The following HCAR2 variants were observed in gnomAD, a reference collection of about 807,000 sequenced individuals.
HCAR2 encodes the protein hydroxycarboxylic acid receptor 2, also known as G protein-coupled receptor HM74a.
For missense variants in HCAR2, 346 were observed against 476.6 expected, an observed-to-expected ratio of 0.73 and a Z score of 2.55; for synonymous variants, 156 against 189.4, an observed-to-expected ratio of 0.82 and a Z score of 1.45.
In HCAR2 at chr12:122,702,190, A is replaced by T. The variant is rs1287267999; in HGVS notation, c.*2T>A. ...GACAATGTCCCTTCTTGGCATGGTT[A>T]TTTAAGGAGAGGTTGGGCCCAGATA... On this transcript the variant is annotated 3_prime_UTR_variant, in exon 1 of 1. Coordinates refer to ENST00000328880, the MANE Select transcript of HCAR2 (RefSeq NM_177551.4). The T allele has an allele frequency of 6.2e-7, 1 of 1,613,398 alleles. No individual in the cohort carries two copies. Among genetic ancestry groups the T allele is most frequent in the East Asian group, 2.2e-5 (1 of 44,784 alleles).
Position 122,702,123 on chromosome 12 carries a change from T to C in HCAR2, c.*69A>G. ...GGCCGAGTCCAGTGACATTACTCGATGCAACAGCCCAACTGTTTCTCCAGA... is the reference window on the plus strand; with the variant it reads ...GGCCGAGTCCAGTGACATTACTCGACGCAACAGCCCAACTGTTTCTCCAGA... On this transcript the variant is annotated 3_prime_UTR_variant, in exon 1 of 1. Transcript: ENST00000328880. The C allele has an allele frequency of 6.2e-7, 1 of 1,608,372 alleles. No homozygotes were observed. The highest frequency in any genetic ancestry group is 1.1e-5 in the South Asian group (1 of 90,504).
chr12:122,703,206 A>G lies in HCAR2; in HGVS notation c.78T>C (p.Ile26=). The change falls in exon 1 of 1, where the codon ATT becomes ATC. Residue 26 remains isoleucine, a synonymous_variant. Transcript: ENST00000328880. ...KNCCVFRDDF[I]VKVLPPVLGL... ...CCAACACCGGCGGCAACACCTTGAC[A>G]ATGAAGTCATCTCGGAACACACAGC... The G allele has an allele frequency of 6.2e-7, 1 of 1,614,160 alleles. No homozygotes were observed.
Position 122,703,337 on chromosome 12 carries a change from G to C in HCAR2, c.-54C>G. 6.4e-7 allele frequency: 1 copy of C among 1,560,670 alleles called. No homozygotes were observed. The highest frequency in any genetic ancestry group is 1.3e-5 in the African/African-American group (1 of 74,394). On this transcript the variant is annotated 5_prime_UTR_variant, in exon 1 of 1. Transcript: ENST00000328880. ...CCTCGCCTAGTGAATGCTCCAGCAA[G>C]GAGGTGTGTGTCTGTGTGGTGAACG...
Position 122,701,671 on chromosome 12 carries a change from G to C in HCAR2, c.*521C>G, listed in dbSNP as rs949806306. 5 of 181,270 alleles carry C rather than the reference G, an allele frequency of 2.8e-5. No individual in the cohort carries two copies. Among genetic ancestry groups the C allele is most frequent in the African/African-American group, 1.2e-4 (5 of 42,024 alleles). The allele number at this position is 181,270 out of a possible 1,614,324, so 11.2% of individuals were successfully genotyped here. ...CCTGAGTCCATTTCTGCTAAAGCTT[G>C]TCTGAAAGATGAATTGGTCCACGGA... On this transcript the variant is annotated 3_prime_UTR_variant, in exon 1 of 1. Coordinates refer to ENST00000328880, the MANE Select transcript of HCAR2 (RefSeq NM_177551.4).
chr12:122,702,120 C>T lies in HCAR2; in HGVS notation c.*72G>A, dbSNP rs772459977. The stretch of plus-strand genomic sequence containing the variant: ...TTAGGCCGAGTCCAGTGACATTACT[C>T]GATGCAACAGCCCAACTGTTTCTCC... On this transcript the variant is annotated 3_prime_UTR_variant, in exon 1 of 1. Transcript: ENST00000328880. The T allele has an allele frequency of 6.0e-5, 96 of 1,606,050 alleles. No individual in the cohort carries two copies. Among genetic ancestry groups the T allele is most frequent in the Admixed American group, 6.9e-5 (4 of 58,158 alleles).
rs200993901 is a variant in HCAR2, at chr12:122,703,315, C to G, written c.-32G>C. 4.4e-6 allele frequency: 7 copies of G among 1,606,068 alleles called. No individual in the cohort carries two copies. The South Asian group carries it at 5.5e-5, about 13-fold the overall frequency. ...GGCTAGTGAGTCCGATGGAGCGCCT[C>G]GCCTAGTGAATGCTCCAGCAAGGAG... On this transcript the variant is annotated 5_prime_UTR_variant, in exon 1 of 1. Coordinates refer to ENST00000328880, the MANE Select transcript of HCAR2 (RefSeq NM_177551.4).
Position 122,702,970 on chromosome 12 carries a change from A to C in HCAR2, c.314T>G (p.Phe105Cys). The C allele has an allele frequency of 6.2e-7, 1 of 1,614,064 alleles. No homozygotes were observed. The highest frequency in any genetic ancestry group is 8.5e-7 in the Non-Finnish European group (1 of 1,180,000). ...FGDIPCRLML[F>C]MLAMNRQGSI... ...GCCCTGGCGGTTCATAGCCAACATG[A>C]AGAGCATCAGCCGGCAAGGGATGTC... The change falls in exon 1 of 1, where the codon TTC (phenylalanine) becomes TGC (cysteine). Residue 105 changes from phenylalanine (F) to cysteine (C), a missense_variant. Physicochemically the swap from Phe to Cys is radical, Grantham distance 205. Transcript: ENST00000328880.
chr12:122,703,177 A>G lies in HCAR2; in HGVS notation c.107T>C (p.Leu36Pro), dbSNP rs780534579. The G allele has an allele frequency of 4.3e-6, 7 of 1,614,172 alleles. No homozygotes were observed. The highest frequency in any genetic ancestry group is 5.1e-6 in the Non-Finnish European group (6 of 1,180,036). The change falls in exon 1 of 1, where the codon CTG becomes CCG. Residue 36 changes from leucine (L) to proline (P), a missense_variant. Leu to Pro is a moderately conservative substitution (Grantham distance 98). Coordinates refer to ENST00000328880, the MANE Select transcript of HCAR2 (RefSeq NM_177551.4). ...IVKVLPPVLGLEFIFGLLGNG... is the reference protein window; with the variant it reads ...IVKVLPPVLGPEFIFGLLGNG... ...GCCCAGAAGCCCGAAGATAAACTCC[A>G]GCCCCAACACCGGCGGCAACACCTT...
rs544812148 is a variant in HCAR2 at position 122,701,732 on chromosome 12, G to C, written c.*460C>G. 10 of 215,588 alleles carry C rather than the reference G, an allele frequency of 4.6e-5. No homozygotes were observed. The South Asian group carries it at 9.0e-4, about 19-fold the overall frequency. 13.4% of individuals were successfully genotyped at this position (215,588 alleles called of 1,614,324 possible). On this transcript the variant is annotated 3_prime_UTR_variant, in exon 1 of 1. Coordinates refer to ENST00000328880, the MANE Select transcript of HCAR2 (RefSeq NM_177551.4). ...CCTACTGGCTTGTTTAATGATGCCT[G>C]GGCTCCCTCCAGGAGCAACACAATT...
chr12:122,703,220 G>A lies in HCAR2; in HGVS notation c.64C>T (p.Arg22Ter), dbSNP rs764643885. ...EIDKKNCCVF[R>*]DDFIVKVLPP... ...AACACCTTGACAATGAAGTCATCTC[G>A]GAACACACAGCAGTTCTTCTTGTCT... Residue 22 changes from arginine (R) to a stop codon, truncating the protein, a stop_gained, in exon 1 of 1, where the codon CGA becomes TGA. Coordinates refer to ENST00000328880, the MANE Select transcript of HCAR2 (RefSeq NM_177551.4). LOFTEE classifies it low-confidence loss of function (END_TRUNC). 15 of 1,613,944 alleles carry A rather than the reference G, an allele frequency of 9.3e-6. No homozygotes were observed. The Admixed American group carries it at 1.2e-4, about 13-fold the overall frequency.
In HCAR2 at chr12:122,702,938, T is replaced by C. The variant is rs1191864353; in HGVS notation, c.346A>G (p.Ile116Val). ...TCTACCGCCACCACCGTGAGGAAGATGATGCTGCCCTGGCGGTTCATAGCC... is the reference window on the plus strand; with the variant it reads ...TCTACCGCCACCACCGTGAGGAAGACGATGCTGCCCTGGCGGTTCATAGCC... ...MLAMNRQGSI[I>V]FLTVVAVDRY... The change falls in exon 1 of 1, where the codon ATC becomes GTC. Residue 116 changes from isoleucine (I) to valine (V), a missense_variant. By Grantham distance (29) the Ile-to-Val change is conservative (BLOSUM62 3). Transcript: ENST00000328880. The C allele has an allele frequency of 6.2e-7, 1 of 1,613,334 alleles. No individual in the cohort carries two copies. Among genetic ancestry groups the C allele is most frequent in the South Asian group, 1.1e-5 (1 of 90,988 alleles).
rs1393898534 is a variant in HCAR2, at chr12:122,702,817, A to G, written c.467T>C (p.Ile156Thr). 2 of 1,614,064 alleles carry G rather than the reference A, an allele frequency of 1.2e-6. No homozygotes were observed. Among genetic ancestry groups the G allele is most frequent in the East Asian group, 2.2e-5 (1 of 44,898 alleles). ...CTTCAGGAGGTGGACTGTCAGGCCA[A>G]TAGTGATGCCCCACAGAAGGCAAGA... Reference protein sequence around the residue: ...IISCLLWGITIGLTVHLLKKK... With the variant: ...IISCLLWGITTGLTVHLLKKK... The change falls in exon 1 of 1, where the codon ATT becomes ACT. Residue 156 changes from isoleucine to threonine, a missense_variant. Physicochemically the swap from Ile to Thr is moderately conservative, Grantham distance 89. Transcript: ENST00000328880.
rs1877119913 is a variant in HCAR2 at position 122,702,873 on chromosome 12, G to A, written c.411C>T (p.Asn137=). Reference sequence around the variant, plus strand: ...TGGCTGCTGTCCGATTGGAGATCTTGTTCAGGGCGTGGTGGGGATGGACCA... The same window carrying A: ...TGGCTGCTGTCCGATTGGAGATCTTATTCAGGGCGTGGTGGGGATGGACCA... The part of the protein sequence containing the change: ...FRVVHPHHAL[N]KISNRTAAII... The change falls in exon 1 of 1, where the codon AAC becomes AAT. Residue 137 remains asparagine, a synonymous_variant. Coordinates refer to ENST00000328880, the MANE Select transcript of HCAR2 (RefSeq NM_177551.4). 1 of 1,614,070 alleles carries A rather than the reference G, an allele frequency of 6.2e-7. No homozygotes were observed. The highest frequency in any genetic ancestry group is 2.2e-5 in the East Asian group (1 of 44,902).
chr12:122,701,726 A>G lies in HCAR2; in HGVS notation c.*466T>C, dbSNP rs577659688. On this transcript the variant is annotated 3_prime_UTR_variant, in exon 1 of 1. Coordinates refer to ENST00000328880, the MANE Select transcript of HCAR2 (RefSeq NM_177551.4). ...AGGTGACCTACTGGCTTGTTTAATG[A>G]TGCCTGGGCTCCCTCCAGGAGCAAC... The G allele has an allele frequency of 1.9e-5, 4 of 205,836 alleles. No homozygotes were observed. In the South Asian group the frequency reaches 2.9e-4, roughly 15 times the overall value. The allele number at this position is 205,836 out of a possible 1,614,324, so 12.8% of individuals were successfully genotyped here. A position where few individuals can be genotyped will look rare whatever the true frequency, so the allele number is the denominator to read the frequency against.
chr12:122,703,118 G>A lies in HCAR2; in HGVS notation c.166C>T (p.Leu56Phe). ...ATCCGGCTGGATTTCCAGGACTTGA[G>A]GTGGAAACAGAAAATCCACAGGGCA... is the stretch of plus-strand genomic sequence containing the variant. ...GLALWIFCFHLKSWKSSRIFL... is the reference protein window; with the variant it reads ...GLALWIFCFHFKSWKSSRIFL... The change falls in exon 1 of 1, where the codon CTC becomes TTC. Residue 56 changes from leucine (L) to phenylalanine (F), a missense_variant. By Grantham distance (22) the Leu-to-Phe change is conservative. Coordinates refer to ENST00000328880, the MANE Select transcript of HCAR2 (RefSeq NM_177551.4). The A allele has an allele frequency of 6.2e-7, 1 of 1,614,122 alleles. No individual in the cohort carries two copies. The highest frequency in any genetic ancestry group is 8.5e-7 in the Non-Finnish European group (1 of 1,180,022).
chr12:122,702,150 A>T lies in HCAR2; in HGVS notation c.*42T>A, dbSNP rs1877089899. ...CAACAGCCCAACTGTTTCTCCAGAG[A>T]TCCTGGTTCTTGGTGACAATGTCCC... is the stretch of plus-strand genomic sequence containing the variant. On this transcript the variant is annotated 3_prime_UTR_variant, in exon 1 of 1. Coordinates refer to ENST00000328880, the MANE Select transcript of HCAR2 (RefSeq NM_177551.4). 6.2e-7 allele frequency: 1 copy of T among 1,613,148 alleles called. No individual in the cohort carries two copies. Among genetic ancestry groups the T allele is most frequent in the Non-Finnish European group, 8.5e-7 (1 of 1,179,800 alleles).
rs1877078117 is a variant in HCAR2, at chr12:122,701,765, A to G, written c.*427T>C. The G allele has an allele frequency of 1.2e-5, 3 of 260,314 alleles. No homozygotes were observed. The highest frequency in any genetic ancestry group is 1.3e-4 in the South Asian group (2 of 15,608). 16.1% of individuals were successfully genotyped at this position (260,314 alleles called of 1,614,324 possible). On this transcript the variant is annotated 3_prime_UTR_variant, in exon 1 of 1. Transcript: ENST00000328880. ...TCCAGGAGCAACACAATTCCCTCCA[A>G]TCTCAGCTCTCCTTATCCCTGCTAG...
At position 122,703,191 on chromosome 12, in the gene HCAR2, C is replaced by G; in HGVS notation, c.93G>C (p.Pro31=). The G allele has an allele frequency of 6.2e-7, 1 of 1,614,122 alleles. No individual in the cohort carries two copies. Among genetic ancestry groups the G allele is most frequent in the Non-Finnish European group, 8.5e-7 (1 of 1,180,024 alleles). Reference sequence around the variant, plus strand: ...AGATAAACTCCAGCCCCAACACCGGCGGCAACACCTTGACAATGAAGTCAT... The same window carrying G: ...AGATAAACTCCAGCCCCAACACCGGGGGCAACACCTTGACAATGAAGTCAT... ...FRDDFIVKVL[P]PVLGLEFIFG... Residue 31 remains proline (P), a synonymous_variant, in exon 1 of 1, where the codon CCG becomes CCC. Transcript: ENST00000328880.
chr12:122,702,039 C>G lies in HCAR2; in HGVS notation c.*153G>C, dbSNP rs1877085828. ...CACACCTTGCAACCAGTCTCCCACT[C>G]ATCTGCCACCGTTTCCCTAAATCGC... On this transcript the variant is annotated 3_prime_UTR_variant, in exon 1 of 1. Transcript: ENST00000328880. The G allele has an allele frequency of 7.7e-7, 1 of 1,298,962 alleles. No homozygotes were observed. The highest frequency in any genetic ancestry group is 1.4e-5 in the South Asian group (1 of 72,182). The allele number at this position is 1,298,962 out of a possible 1,614,324, so 80.5% of individuals were successfully genotyped here. A position where few individuals can be genotyped will look rare whatever the true frequency, so the allele number is the denominator to read the frequency against.
Sources: gnomAD v4.1 joint callset for allele counts on GRCh38, gnomAD v4.1.1 for gene constraint, MANE v1.5 for transcripts, NCBI Gene and HGNC (gene_info 2026-07-23, HGNC 2026-07-21) for gene names.